Variants in APP observed in about 807,000 individuals in gnomAD.
APP encodes amyloid-beta precursor protein.
In APP, 31 loss-of-function variants were observed where a neutral mutation model predicts 101.4. That is an observed-to-expected ratio of 0.31 (90% confidence interval 0.23 to 0.41). APP has a LOEUF of 0.41. Ranked by LOEUF, APP falls within the 10% of genes least tolerant of loss-of-function variation. The probability of loss-of-function intolerance (pLI) is 1.00; values close to 1 mark genes in which losing one functional copy is unlikely to be tolerated. For missense variants in APP, 839 were observed against 1,003.7 expected (o/e 0.84, Z 2.22); for synonymous variants, 366 against 364.4 (o/e 1.00, Z -0.05).
At chr21:26,097,195 A>G (rs1004579147) in intron 2 of APP, among the ~76,000 whole-genome samples, 1 of 152,148 alleles carries the variant, frequency 6.6e-6, no homozygotes, top group Non-Finnish European at 1.5e-5. Flanking sequence ...CTGTCCTACC[A>G]CTGCATCCTC....
At chr21:25,990,854 C>T (rs2042832578) in intron 8 of APP, among the ~76,000 whole-genome samples, 1 of 152,162 alleles carries the variant, frequency 6.6e-6, no homozygotes, top group East Asian at 1.9e-4. Flanking sequence ...AATACCTGGC[C>T]TCGCACATCC....
chr21:26,064,625 G>A (rs1189903075), intron 3 of APP, among the ~76,000 whole-genome samples: 1 of 152,102 alleles, frequency 6.6e-6, no homozygotes, highest in Non-Finnish European at 1.5e-5. Context: ...AGGAACCGCA[G>A]CCGCTTGCAA....
intron 3 of APP, among the ~76,000 whole-genome samples, chr21:26,061,023 G>T (rs1017689434): frequency 1.3e-5 from 2 of 152,178 alleles, no homozygotes; most frequent in Non-Finnish European, 2.9e-5. Context: ...GCCCTAGGGG[G>T]TCAAGACTAG....
chr21:26,019,809 CCTT>C (rs2044258938), intron 6 of APP, among the ~76,000 whole-genome samples: 1 of 152,218 alleles, frequency 6.6e-6, no homozygotes, highest in Admixed American at 6.5e-5. Context: ...GAAAAGCTGT[CCTT>C]CCCTGCTACA....
intron 1 of APP, among the ~76,000 whole-genome samples, chr21:26,133,032 T>C (rs1415286543): frequency 6.6e-6 from 1 of 151,602 alleles, no homozygotes; most frequent in Non-Finnish European, 1.5e-5. Context: ...AGCTCAGGAG[T>C]TGGAGACCAG....
At chr21:25,941,894 G>A (rs369168100) in intron 13 of APP, 4 of 152,168 alleles carry the variant, frequency 2.6e-5, no homozygotes, top group East Asian at 3.8e-4. Flanking sequence ...TGCAAATGGC[G>A]AAGACCTGGC....
intron 1 of APP, among the ~76,000 whole-genome samples, chr21:26,163,720 T>C (rs141173594): frequency 2.1e-4 from 32 of 152,356 alleles, no homozygotes; most frequent in African/African-American, 7.5e-4. Flanking sequence ...TGTGAATTCT[T>C]TGGGACTCTG....
At chr21:26,168,207 C>T (rs556116690) in intron 1 of APP, among the ~76,000 whole-genome samples, 1 of 152,260 alleles carries the variant, frequency 6.6e-6, no homozygotes, top group Non-Finnish European at 1.5e-5. Context: ...CAGATAATAA[C>T]CATGTTTCCC....
chr21:25,894,223 T>C (rs2037881489), intron 16 of APP, among the ~76,000 whole-genome samples: 1 of 152,200 alleles, frequency 6.6e-6, no homozygotes, highest in South Asian at 2.1e-4. Flanking sequence ...ACAGGGAGAT[T>C]ACTGTTGTTT....
Position 26,021,920 on chromosome 21 carries a change from T to C in APP, c.785A>G (p.Tyr262Cys). The change falls in exon 6 of 18, where the codon TAC (tyrosine) becomes TGC (cysteine). Residue 262 changes from tyrosine to cysteine, a missense_variant. Coordinates refer to ENST00000346798, the MANE Select transcript of APP (RefSeq NM_000484.4). ...DEVEEEAEEP[Y>C]EEATERTTSI... The stretch of plus-strand genomic sequence containing the variant: ...GGTGGTTCTCTCTGTGGCTTCTTCG[T>C]AGGGTTCCTCAGCCTCTTCCTCTAC... 6.2e-7 allele frequency: 1 copy of C among 1,613,268 alleles called. No homozygotes were observed. The highest frequency in any genetic ancestry group is 8.5e-7 in the Non-Finnish European group (1 of 1,179,530).
chr21:25,895,535 T>C (rs1048893428), intron 16 of APP, among the ~76,000 whole-genome samples: 6 of 152,172 alleles, frequency 3.9e-5, no homozygotes, highest in African/African-American at 7.2e-5. Flanking sequence ...TGTTTTATTG[T>C]GGTGTTCTGA....
chr21:25,962,310 G>A (rs2041615565), intron 11 of APP, among the ~76,000 whole-genome samples: 1 of 152,100 alleles, frequency 6.6e-6, no homozygotes, highest in South Asian at 2.1e-4. Context: ...AGAGGAAAGA[G>A]AAACATAAGA....
chr21:26,127,504 C>T (rs2146261719), intron 1 of APP, among the ~76,000 whole-genome samples: 1 of 152,298 alleles, frequency 6.6e-6, no homozygotes, highest in Admixed American at 6.5e-5. Context: ...CTAGAAACCT[C>T]TCTATGTCTT....
intron 13 of APP, among the ~76,000 whole-genome samples, chr21:25,939,458 C>T (rs961421991): frequency 6.6e-6 from 1 of 152,196 alleles, no homozygotes; most frequent in East Asian, 1.9e-4. Flanking sequence ...ATCTACTTCA[C>T]ACTTGAAGTT....
At chr21:26,081,839 A>G (rs2061605357) in intron 3 of APP, among the ~76,000 whole-genome samples, 1 of 152,312 alleles carries the variant, frequency 6.6e-6, no homozygotes, top group Admixed American at 6.5e-5. Flanking sequence ...CTACAGGAAA[A>G]TAATGTGAAA....
At chr21:26,124,993 G>A (rs943956052) in intron 1 of APP, among the ~76,000 whole-genome samples, 5 of 152,226 alleles carry the variant, frequency 3.3e-5, no homozygotes, top group African/African-American at 1.2e-4. Flanking sequence ...GAGTGTTAAT[G>A]CAGAGGTCTG....
chr21:26,064,735 C>T (rs550145892), intron 3 of APP, among the ~76,000 whole-genome samples: 5 of 152,294 alleles, frequency 3.3e-5, no homozygotes, highest in African/African-American at 1.2e-4. Context: ...TCTCAATCCC[C>T]GGCGAGGCCC....
intron 2 of APP, among the ~76,000 whole-genome samples, chr21:26,098,081 GAAAAAAAAAAAA>G (rs757879199): frequency 1.5e-4 from 8 of 54,384 alleles, no homozygotes; most frequent in African/African-American, 3.8e-4. Context: ...CTCTGTCTCA[GAAAAAAAAAAAA>G]AAAAAAAAAA....
chr21:26,135,251 T>C (rs192389578), intron 1 of APP, among the ~76,000 whole-genome samples: 2 of 152,342 alleles, frequency 1.3e-5, no homozygotes, highest in East Asian at 1.9e-4. Flanking sequence ...TGATTATCTA[T>C]GTAACAGCAC....
Sources: gnomAD v4.1 joint callset for allele counts (sites outside exome capture counted in the v4.1 genomes callset) on GRCh38, gnomAD v4.1.1 for gene constraint, MANE v1.5 for transcripts, NCBI Gene and HGNC (gene_info 2026-07-23, HGNC 2026-07-21) for gene names.